FHIP2A: variants seen among roughly 807,000 people sequenced by gnomAD.
The protein encoded by FHIP2A is family with sequence similarity 160 member B1.
Under a neutral mutation model 93.5 loss-of-function variants are expected in FHIP2A, and 46 were observed. The ratio of observed to expected loss-of-function variants is 0.49; its 90% CI spans 0.39 to 0.63. The LOEUF (loss-of-function observed/expected upper bound fraction) is 0.63, where lower values mean the gene tolerates loss of function less well. Among genes scored for constraint, FHIP2A ranks in the 20% least tolerant of loss-of-function variants. The probability of loss-of-function intolerance (pLI) is 0.00; values close to 1 mark genes in which losing one functional copy is unlikely to be tolerated. For synonymous variants in FHIP2A, 332 were observed against 326.5 expected, an observed-to-expected ratio of 1.02 and a Z score of -0.18; for missense variants, 769 against 909.7, an observed-to-expected ratio of 0.85 and a Z score of 1.99.
intron 5 of FHIP2A, among the ~76,000 whole-genome samples, chr10:114,838,247 T>C (rs1389859440): frequency 1.3e-5 from 2 of 152,190 alleles, no homozygotes; most frequent in African/African-American, 4.8e-5. Context: ...GTTTTCTATT[T>C]TACATTACTA....
intron 1 of FHIP2A, among the ~76,000 whole-genome samples, chr10:114,823,917 A>T (rs2083558578): frequency 6.6e-6 from 1 of 152,184 alleles, no homozygotes; most frequent in Non-Finnish European, 1.5e-5. Flanking sequence ...CCTGTGATTT[A>T]ACCAAACTCA....
chr10:114,854,698 T>C (rs2083756844), intron 13 of FHIP2A, among the ~76,000 whole-genome samples: 2 of 152,214 alleles, frequency 1.3e-5, no homozygotes, highest in African/African-American at 4.8e-5. Context: ...CACTGGTCGA[T>C]GGACCACCTT....
At chr10:114,832,488 G>A (rs2083612981) in intron 2 of FHIP2A, among the ~76,000 whole-genome samples, 1 of 151,968 alleles carries the variant, frequency 6.6e-6, no homozygotes, top group Non-Finnish European at 1.5e-5. Context: ...CAGGTTATTT[G>A]CCTTCATGTT....
At chr10:114,842,806 A>G (rs1228790747) in intron 5 of FHIP2A, 127 bp from the exon 6 acceptor site, 10 of 633,440 alleles carry the variant, frequency 1.6e-5, no homozygotes, top group Non-Finnish European at 2.2e-5. Flanking sequence ...GAATATTTTC[A>G]TGTGACATAA....
intron 16 of FHIP2A, among the ~76,000 whole-genome samples, chr10:114,896,954 C>A (rs1235765849): frequency 6.6e-6 from 1 of 152,188 alleles, no homozygotes; most frequent in Non-Finnish European, 1.5e-5. Flanking sequence ...TCCTCCCTGA[C>A]TAATTAGGAA....
In FHIP2A at chr10:114,837,910, C is replaced by T. The variant is rs2083645394; in HGVS notation, c.522+1664C>T. ...GATGTACCACAGTTGTTTATCCATA[C>T]ACCAGTGAGGGACTTCTGGGTTGTT... On this transcript the variant is annotated intron_variant, in intron 5 of 16. Transcript: ENST00000369248. Among the ~76,000 whole-genome samples, 3 of 152,332 alleles carry T rather than the reference C, an allele frequency of 2.0e-5. No individual in the cohort carries two copies. The South Asian group carries it at 6.2e-4, about 32-fold the overall frequency.
At chr10:114,860,324 G>A (rs1438549491) in intron 14 of FHIP2A, among the ~76,000 whole-genome samples, 1 of 152,108 alleles carries the variant, frequency 6.6e-6, no homozygotes. Context: ...AAGAGCATGC[G>A]CAGCAGGGAG....
chr10:114,862,884 C>A lies in FHIP2A; in HGVS notation c.*1344C>A. The A allele has an allele frequency of 1.0e-6, 1 of 985,408 alleles. No individual in the cohort carries two copies. The highest frequency in any genetic ancestry group is 1.2e-6 in the Non-Finnish European group (1 of 829,936). The allele number at this position is 985,408 out of a possible 1,614,324, so 61.0% of individuals were successfully genotyped here. A position where few individuals can be genotyped will look rare whatever the true frequency, so the allele number is the denominator to read the frequency against. ...TCCGGCTTGAAGGGAACTGTCACTA[C>A]CCCCTCTAGGAAGTTATTTTATGTA... On this transcript the variant is annotated 3_prime_UTR_variant, in exon 17 of 17. Coordinates refer to ENST00000369248, the MANE Select transcript of FHIP2A (RefSeq NM_020940.4).
rs191739168 is a variant in FHIP2A, at chr10:114,838,517, T to A, written c.522+2271T>A. Reference sequence around the variant, plus strand: ...GATATTAGAATTTTTTTTTTAGTTGTTTGTGTACTTATGAGAAATATCTCA... The same window carrying A: ...GATATTAGAATTTTTTTTTTAGTTGATTGTGTACTTATGAGAAATATCTCA... On this transcript the variant is annotated intron_variant, in intron 5 of 16. Coordinates refer to ENST00000369248, the MANE Select transcript of FHIP2A (RefSeq NM_020940.4). Among the ~76,000 whole-genome samples the A allele has an allele frequency of 4.5e-3, 680 of 152,252 alleles. 5 individuals carry two copies. Among genetic ancestry groups the A allele is most frequent in the Non-Finnish European group, 6.5e-3 (440 of 68,016 alleles).
At chr10:114,881,065 C>T (rs577658771) in intron 16 of FHIP2A, among the ~76,000 whole-genome samples, 2 of 152,270 alleles carry the variant, frequency 1.3e-5, no homozygotes, top group African/African-American at 4.8e-5. Context: ...CTTTCTTATT[C>T]GCTGGATGAA....
chr10:114,828,862 T>G (rs2083592243), intron 1 of FHIP2A, among the ~76,000 whole-genome samples: 1 of 152,232 alleles, frequency 6.6e-6, no homozygotes, highest in South Asian at 2.1e-4. Context: ...CGATTTACAG[T>G]GGAAGATACT....
At chr10:114,823,996 A>T (rs1190765674) in intron 1 of FHIP2A, among the ~76,000 whole-genome samples, 1 of 152,214 alleles carries the variant, frequency 6.6e-6, no homozygotes, top group Non-Finnish European at 1.5e-5. Context: ...AATTTGCCAT[A>T]TTCAAGTACT....
intron 13 of FHIP2A, among the ~76,000 whole-genome samples, chr10:114,850,374 C>T (rs1417207538): frequency 6.6e-6 from 1 of 152,130 alleles, no homozygotes; most frequent in Non-Finnish European, 1.5e-5. Context: ...AGTACCTTTT[C>T]ATATGCTTAG....
In FHIP2A at chr10:114,844,027, T is replaced by C. The variant is rs566921320; in HGVS notation, c.1013+90T>C. The C allele has an allele frequency of 1.5e-5, 16 of 1,077,800 alleles. No homozygotes were observed. The East Asian group carries it at 1.5e-4, about 10-fold the overall frequency. 66.8% of individuals were successfully genotyped at this position (1,077,800 alleles called of 1,614,324 possible). A position where few individuals can be genotyped will look rare whatever the true frequency, so the allele number is the denominator to read the frequency against. On this transcript the variant is annotated intron_variant, in intron 7 of 16. Coordinates refer to ENST00000369248, the MANE Select transcript of FHIP2A (RefSeq NM_020940.4). ...TTTCTATTTTGCAATGGTAGAAGTC[T>C]TTGAAAAATTGAACACCACTAGTGA...
Position 114,864,519 on chromosome 10 carries a change from T to C in FHIP2A, c.*2979T>C, listed in dbSNP as rs2083818973. On this transcript the variant is annotated 3_prime_UTR_variant, in exon 17 of 17. Transcript: ENST00000369248. ...AGGATATTTGGTAAATTTTTTTGTA[T>C]TGAAAGTTGTGTAGGTTACTGACAG... 2.0e-6 allele frequency: 2 copies of C among 985,748 alleles called. No individual in the cohort carries two copies. The highest frequency in any genetic ancestry group is 2.4e-6 in the Non-Finnish European group (2 of 829,950). 61.1% of individuals were successfully genotyped at this position (985,748 alleles called of 1,614,324 possible).
intron 16 of FHIP2A, among the ~76,000 whole-genome samples, chr10:114,889,210 G>C (rs1189062034): frequency 6.6e-6 from 1 of 152,056 alleles, no homozygotes; most frequent in Non-Finnish European, 1.5e-5. Flanking sequence ...AAAAAATTTA[G>C]GACAAATAGT....
In FHIP2A at chr10:114,861,961, A is replaced by G; in HGVS notation, c.*421A>G. 1 of 985,180 alleles carries G rather than the reference A, an allele frequency of 1.0e-6. No homozygotes were observed. The highest frequency in any genetic ancestry group is 1.2e-6 in the Non-Finnish European group (1 of 829,278). The allele number at this position is 985,180 out of a possible 1,614,324, so 61.0% of individuals were successfully genotyped here. A position where few individuals can be genotyped will look rare whatever the true frequency, so the allele number is the denominator to read the frequency against. ...TCTTTTGGATTAATAAGTAGCAAAA[A>G]AAAATCACTAATTTTATAACTTTTT... On this transcript the variant is annotated 3_prime_UTR_variant, in exon 17 of 17. Coordinates refer to ENST00000369248, the MANE Select transcript of FHIP2A (RefSeq NM_020940.4).
intron 14 of FHIP2A, among the ~76,000 whole-genome samples, chr10:114,855,569 T>G (rs1173514477): frequency 6.6e-6 from 1 of 152,228 alleles, no homozygotes; most frequent in Non-Finnish European, 1.5e-5. Flanking sequence ...TTACTTCTCA[T>G]GATAGGCCAT....
chr10:114,827,614 G>A (rs1284370430), intron 1 of FHIP2A, among the ~76,000 whole-genome samples: 5 of 152,054 alleles, frequency 3.3e-5, no homozygotes, highest in Non-Finnish European at 2.9e-5. Flanking sequence ...TGGCTAACAC[G>A]GTGAAACCCT....
Sources: gnomAD v4.1 joint callset for allele counts (sites outside exome capture counted in the v4.1 genomes callset) on GRCh38, gnomAD v4.1.1 for gene constraint, MANE v1.5 for transcripts, NCBI Gene and HGNC (gene_info 2026-07-23, HGNC 2026-07-21) for gene names.